Variants in ABI3BP observed in about 807,000 individuals in gnomAD.
The protein encoded by ABI3BP is target of Nesh-SH3.
ABI3BP carries 216 observed loss-of-function variants against 268.6 expected under a neutral mutation model. That is an observed-to-expected ratio of 0.80 (90% CI 0.72 to 0.90). The LOEUF (loss-of-function observed/expected upper bound fraction) is 0.90. ABI3BP is among the 40% of genes least tolerant of loss of function. The pLI, the probability that ABI3BP is intolerant of heterozygous loss-of-function variation, is 0.00. For synonymous variants in ABI3BP, 730 were observed against 730.0 expected (o/e 1.00, Z 0.00); for missense variants, 2,090 against 2,182.4 (o/e 0.96, Z 0.84).
chr3:100,846,187 G>C (rs6774830), intron 20 of ABI3BP, among the ~76,000 whole-genome samples, 185 bp downstream of exon 20: 102,583 of 152,040 alleles, frequency 0.67, 35,727 homozygotes, highest in African/African-American at 0.86. Context: ...GAACATTGCT[G>C]AGAGCAATGC....
intron 2 of ABI3BP, among the ~76,000 whole-genome samples, chr3:100,906,905 C>T (rs966781103): frequency 1.3e-5 from 2 of 152,178 alleles, no homozygotes; most frequent in African/African-American, 4.8e-5. Flanking sequence ...CACAGGGAAG[C>T]TTAGTTCTGC....
At chr3:100,894,960 A>AAAAAAC (rs1561385153) in intron 4 of ABI3BP, among the ~76,000 whole-genome samples, 18 of 145,582 alleles carry the variant, frequency 1.2e-4, no homozygotes, top group African/African-American at 3.8e-4. Flanking sequence ...AAAAAAAAAA[A>AAAAAAC]AAAAAAACAG....
rs1173403282 is a variant in ABI3BP, at chr3:100,751,605, A to G, written c.5192T>C (p.Leu1731Ser). The G allele has an allele frequency of 6.2e-7, 1 of 1,600,546 alleles. No individual in the cohort carries two copies. The highest frequency in any genetic ancestry group is 1.3e-5 in the African/African-American group (1 of 74,712). The change falls in exon 67 of 68, where the codon TTA becomes TCA. Residue 1731 changes from leucine (L) to serine (S), a missense_variant. Transcript: ENST00000471714. ...GAGTTGCTGCCCAGTGCGTCCATCT[A>G]AAAATGAATCCACAAACTGGCAGTG... is the stretch of plus-strand genomic sequence containing the variant. The part of the protein sequence containing the change: ...EDHCQFVDSF[L>S]DGRTGQQLTS...
chr3:100,783,958 C>T (rs1485794185), intron 57 of ABI3BP, among the ~76,000 whole-genome samples: 4 of 152,182 alleles, frequency 2.6e-5, no homozygotes, highest in African/African-American at 9.7e-5. Flanking sequence ...TAAGCTGGGA[C>T]ACGTCTCTGG....
At chr3:100,956,802 C>A (rs2077003985) in intron 1 of ABI3BP, among the ~76,000 whole-genome samples, 1 of 152,018 alleles carries the variant, frequency 6.6e-6, no homozygotes, top group Non-Finnish European at 1.5e-5. Context: ...TAATAATGGA[C>A]CATTCAGATA....
Position 100,808,249 on chromosome 3 carries a change from T to C in ABI3BP, c.3608-14A>G. On this transcript the variant is annotated splice_polypyrimidine_tract_variant and intron_variant, in intron 49 of 67. Transcript: ENST00000471714. ...TCTGCTTGGGAGCTAAAAGAAAGGATATAGGTTCGGAAATCTTGAGCCCTT... is the reference window on the plus strand; with the variant it reads ...TCTGCTTGGGAGCTAAAAGAAAGGACATAGGTTCGGAAATCTTGAGCCCTT... 2 of 1,596,006 alleles carry C rather than the reference T, an allele frequency of 1.3e-6. No homozygotes were observed. The highest frequency in any genetic ancestry group is 1.7e-6 in the Non-Finnish European group (2 of 1,171,336).
chr3:100,804,795 G>C lies in ABI3BP; in HGVS notation c.3754C>G (p.Pro1252Ala). 1 of 1,612,580 alleles carries C rather than the reference G, an allele frequency of 6.2e-7. No individual in the cohort carries two copies. The change falls in exon 51 of 68, where the codon CCT (proline) becomes GCT (alanine). Residue 1252 changes from proline to alanine, a missense_variant. Coordinates refer to ENST00000471714, the MANE Select transcript of ABI3BP (RefSeq NM_001375547.2). ...SPSPEVSYTT[P>A]APKDVLLPHK... ...AAACATGAAATAAAGCATTTACCAG[G>C]TGTGGTGTATGACACTTCTGGACTT...
rs570611118 is a variant in ABI3BP at position 100,944,861 on chromosome 3, G to C, written c.80-18380C>G. On this transcript the variant is annotated intron_variant, in intron 1 of 67. Transcript: ENST00000471714. ...ATGGCCAAGTGGCCTCATATACTAA[G>C]GCTGAGTGGCCATGAGATGTCAGGA... Among the ~76,000 whole-genome samples the C allele has an allele frequency of 3.3e-5, 5 of 152,268 alleles. No individual in the cohort carries two copies. In the East Asian group the frequency reaches 9.6e-4, roughly 29 times the overall value.
chr3:100,838,800 A>T (rs571277858), intron 24 of ABI3BP, among the ~76,000 whole-genome samples: 1 of 152,352 alleles, frequency 6.6e-6, no homozygotes, highest in African/African-American at 2.4e-5. Flanking sequence ...GTATACAAAC[A>T]GTAAGGTAGA....
intron 4 of ABI3BP, among the ~76,000 whole-genome samples, chr3:100,886,786 AG>A (rs968050274): frequency 6.6e-6 from 1 of 151,982 alleles, no homozygotes; most frequent in Non-Finnish European, 1.5e-5. Flanking sequence ...TGTAAAAAAA[AG>A]AACCTAAGAC....
At chr3:100,808,982 G>A (rs917678319) in intron 49 of ABI3BP, among the ~76,000 whole-genome samples, 2 of 152,050 alleles carry the variant, frequency 1.3e-5, no homozygotes, top group African/African-American at 2.4e-5. Flanking sequence ...CATGGTCAAC[G>A]TCATGTAGTT....
intron 1 of ABI3BP, among the ~76,000 whole-genome samples, chr3:100,947,740 T>C (rs1214168664): frequency 1.3e-5 from 2 of 151,840 alleles, no homozygotes; most frequent in African/African-American, 2.4e-5. Flanking sequence ...AAGTTGAAGT[T>C]GAGATAGTAA....
chr3:100,816,061 T>C lies in ABI3BP; in HGVS notation c.3230-90A>G. 3 of 1,004,528 alleles carry C rather than the reference T, an allele frequency of 3.0e-6. No individual in the cohort carries two copies. The Admixed American group carries it at 9.2e-5, about 31-fold the overall frequency. The allele number at this position is 1,004,528 out of a possible 1,614,324, so 62.2% of individuals were successfully genotyped here. On this transcript the variant is annotated intron_variant, in intron 43 of 67. Coordinates refer to ENST00000471714, the MANE Select transcript of ABI3BP (RefSeq NM_001375547.2). ...TTTATTTTAAAACATGAGTTTCAAATGATACACAATTTTTTAAAACTTTTG... is the reference window on the plus strand; with the variant it reads ...TTTATTTTAAAACATGAGTTTCAAACGATACACAATTTTTTAAAACTTTTG...
At chr3:100,942,688 A>G (rs2153720372) in intron 1 of ABI3BP, among the ~76,000 whole-genome samples, 1 of 152,212 alleles carries the variant, frequency 6.6e-6, no homozygotes, top group South Asian at 2.1e-4. Context: ...GGGCTCTGAA[A>G]GTATGGTCTC....
intron 1 of ABI3BP, among the ~76,000 whole-genome samples, chr3:100,933,567 T>C (rs956669701): frequency 7.9e-5 from 12 of 151,320 alleles, no homozygotes; most frequent in African/African-American, 2.9e-4. Context: ...TTTTAAAGTT[T>C]TGAATTTTAA....
At chr3:100,872,714 G>A (rs1350164721) in intron 9 of ABI3BP, among the ~76,000 whole-genome samples, 1 of 152,148 alleles carries the variant, frequency 6.6e-6, no homozygotes. Context: ...GATCCACTGA[G>A]GGATCTTAAT....
chr3:100,860,617 A>G (rs1471804298), intron 14 of ABI3BP, among the ~76,000 whole-genome samples: 3 of 152,122 alleles, frequency 2.0e-5, no homozygotes, highest in African/African-American at 4.8e-5. Flanking sequence ...CCACTCCCCA[A>G]TGCTTGGTTC....
intron 30 of ABI3BP, 120 bp downstream of exon 30, chr3:100,833,005 T>C: frequency 1.2e-6 from 1 of 829,784 alleles, no homozygotes. Context: ...TTCCATATTT[T>C]GAGATGAATA....
At chr3:100,755,312 T>C (rs193012636) in intron 63 of ABI3BP, among the ~76,000 whole-genome samples, 1 of 152,320 alleles carries the variant, frequency 6.6e-6, no homozygotes, top group East Asian at 1.9e-4. Flanking sequence ...GACTAAGCTA[T>C]AGTTAGTCTG....
Sources: gnomAD v4.1 joint callset for allele counts (sites outside exome capture counted in the v4.1 genomes callset) on GRCh38, gnomAD v4.1.1 for gene constraint, MANE v1.5 for transcripts, NCBI Gene and HGNC (gene_info 2026-07-23, HGNC 2026-07-21) for gene names.